Variants in MYO5B observed in about 807,000 individuals in gnomAD.
The protein encoded by MYO5B is unconventional myosin-Vb.
MYO5B carries 143 observed loss-of-function variants against 229.3 expected under a neutral mutation model. The ratio of observed to expected loss-of-function variants is 0.62; its 90% CI spans 0.54 to 0.72. The LOEUF (loss-of-function observed/expected upper bound fraction) is 0.72, where lower values mean the gene tolerates loss of function less well. Ranked by LOEUF, MYO5B falls within the 30% of genes least tolerant of loss-of-function variation. The pLI, the probability that MYO5B is intolerant of heterozygous loss-of-function variation, is 0.00. For synonymous variants in MYO5B, 918 were observed against 885.2 expected, an observed-to-expected ratio of 1.04 and a Z score of -0.66; for missense variants, 2,321 against 2,331.0, an observed-to-expected ratio of 1.00 and a Z score of 0.09.
At chr18:49,911,081 G>A (rs1474962136) in intron 18 of MYO5B, among the ~76,000 whole-genome samples, 1 of 152,184 alleles carries the variant, frequency 6.6e-6, no homozygotes, top group African/African-American at 2.4e-5. Context: ...AAGTATCTGG[G>A]GGAGGGCCTG....
intron 1 of MYO5B, among the ~76,000 whole-genome samples, chr18:50,115,248 C>G (rs2031937280): frequency 6.6e-6 from 1 of 152,218 alleles, no homozygotes; most frequent in Non-Finnish European, 1.5e-5. Flanking sequence ...ATGAGCATGT[C>G]TTAGCTCTTC....
intron 1 of MYO5B, among the ~76,000 whole-genome samples, chr18:50,098,440 C>G (rs2031594706): frequency 6.6e-6 from 1 of 152,028 alleles, no homozygotes; most frequent in Admixed American, 6.6e-5. Context: ...AAATCAATAC[C>G]AAAATATCTA....
chr18:50,038,801 T>A (rs1170345961), intron 3 of MYO5B, among the ~76,000 whole-genome samples: 1 of 152,240 alleles, frequency 6.6e-6, no homozygotes, highest in African/African-American at 2.4e-5. Context: ...TGGTCACTTA[T>A]CTTTTTCTCC....
At chr18:49,940,015 G>A (rs1353759683) in intron 14 of MYO5B, among the ~76,000 whole-genome samples, 4 of 152,096 alleles carry the variant, frequency 2.6e-5, no homozygotes, top group Non-Finnish European at 5.9e-5. Context: ...CTCTGGTGAT[G>A]CTCTGCACTG....
rs146918194 is a variant in MYO5B, at chr18:50,159,717, C to T, written c.27+35050G>A. On this transcript the variant is annotated intron_variant, in intron 1 of 39. Coordinates refer to ENST00000285039, the MANE Select transcript of MYO5B (RefSeq NM_001080467.3). Reference sequence around the variant, plus strand: ...ACCTCCAGGCCTCTATGATGCCCCACGCCGCCAGCAACCAGCTCCCCTCTC... The same window carrying T: ...ACCTCCAGGCCTCTATGATGCCCCATGCCGCCAGCAACCAGCTCCCCTCTC... 4.2e-3 allele frequency among the ~76,000 whole-genome samples: 644 copies of T among 152,318 alleles called. 4 individuals are homozygous for T. The highest frequency in any genetic ancestry group is 0.014 in the African/African-American group (571 of 41,574).
chr18:49,942,899 T>C (rs2025332628), intron 14 of MYO5B, among the ~76,000 whole-genome samples: 1 of 152,148 alleles, frequency 6.6e-6, no homozygotes, highest in African/African-American at 2.4e-5. Context: ...CATGCTGCTA[T>C]AAAGACACAT....
chr18:49,904,402 C>T (rs896268840), intron 20 of MYO5B, among the ~76,000 whole-genome samples: 1 of 152,142 alleles, frequency 6.6e-6, no homozygotes, highest in African/African-American at 2.4e-5. Context: ...AACTTTCTGG[C>T]CACCAGAATT....
chr18:50,116,729 C>T (rs2031969765), intron 1 of MYO5B, among the ~76,000 whole-genome samples: 5 of 151,562 alleles, frequency 3.3e-5, no homozygotes, highest in African/African-American at 1.2e-4. Context: ...CAGAAATGTA[C>T]ATTCTCAGGC....
chr18:50,130,224 TA>T (rs1357447752), intron 1 of MYO5B, among the ~76,000 whole-genome samples: 1 of 152,220 alleles, frequency 6.6e-6, no homozygotes, highest in Non-Finnish European at 1.5e-5. Context: ...ACATCAGCCA[TA>T]TTTTTTTAAG....
rs897376457 is a variant in MYO5B at position 49,826,226 on chromosome 18, T to C, written c.*245A>G. ...CTGCTTGGTGTCTATAAATTATGTA[T>C]ATGTGTTGGACTGAAATCAAACTTA... On this transcript the variant is annotated 3_prime_UTR_variant, in exon 40 of 40. Transcript: ENST00000285039. 9 of 498,612 alleles carry C rather than the reference T, an allele frequency of 1.8e-5. No individual in the cohort carries two copies. Among genetic ancestry groups the C allele is most frequent in the African/African-American group, 1.2e-4 (6 of 51,398 alleles). The allele number at this position is 498,612 out of a possible 1,614,324, so 30.9% of individuals were successfully genotyped here. A position where few individuals can be genotyped will look rare whatever the true frequency, so the allele number is the denominator to read the frequency against.
In MYO5B at chr18:49,936,393, TG is replaced by T. The variant is rs754866870; in HGVS notation, c.1906-45del. ...GTGCTTGGTTAGTTTTAACAAGTCG[TG>T]GATGTGTGATAAAGAAAAACTCATA... On this transcript the variant is annotated intron_variant, in intron 15 of 39. Coordinates refer to ENST00000285039, the MANE Select transcript of MYO5B (RefSeq NM_001080467.3). 1.2e-5 allele frequency: 17 copies of T among 1,402,400 alleles called. No individual in the cohort carries two copies. In the South Asian group the frequency reaches 2.0e-4, roughly 16 times the overall value. 86.9% of individuals were successfully genotyped at this position (1,402,400 alleles called of 1,614,324 possible). A position where few individuals can be genotyped will look rare whatever the true frequency, so the allele number is the denominator to read the frequency against.
intron 1 of MYO5B, among the ~76,000 whole-genome samples, chr18:50,103,638 G>A (rs1372473762): frequency 1.3e-5 from 2 of 152,122 alleles, no homozygotes; most frequent in Non-Finnish European, 2.9e-5. Context: ...GGCAGCTTCT[G>A]GGAAGGCTGA....
chr18:49,998,481 G>T (rs1276607212), intron 5 of MYO5B, among the ~76,000 whole-genome samples: 2 of 152,164 alleles, frequency 1.3e-5, no homozygotes, highest in Non-Finnish European at 2.9e-5. Flanking sequence ...CGTTCCCACA[G>T]CCTAGCGGCC....
Position 50,079,469 on chromosome 18 carries a change from C to T in MYO5B, c.28-24091G>A, listed in dbSNP as rs570997363. Among the ~76,000 whole-genome samples the T allele has an allele frequency of 6.6e-5, 10 of 152,324 alleles. No homozygotes were observed. The East Asian group carries it at 9.6e-4, about 15-fold the overall frequency. ...CAACCACTGCCTCCCTCTCACACTT[C>T]GACTTAAAAGACAGAGTGCTCCAAA... On this transcript the variant is annotated intron_variant, in intron 1 of 39. Coordinates refer to ENST00000285039, the MANE Select transcript of MYO5B (RefSeq NM_001080467.3).
chr18:49,997,921 G>A (rs2026007102), intron 5 of MYO5B, among the ~76,000 whole-genome samples: 1 of 152,150 alleles, frequency 6.6e-6, no homozygotes, highest in South Asian at 2.1e-4. Context: ...ATGGGGCAGA[G>A]CAATCAATCA....
chr18:50,079,441 G>A (rs1254085418), intron 1 of MYO5B, among the ~76,000 whole-genome samples: 1 of 152,072 alleles, frequency 6.6e-6, no homozygotes. Flanking sequence ...TTGGTCCTTG[G>A]ACCAACCACT....
At chr18:50,055,447 A>G (rs2030523380) in intron 1 of MYO5B, 69 bp from the exon 2 acceptor site, 4 of 1,314,616 alleles carry the variant, frequency 3.0e-6, no homozygotes, top group Non-Finnish European at 3.3e-6. Flanking sequence ...GTGTGTCACT[A>G]CCTAGAAAGT....
At chr18:49,836,261 G>A (rs1400103848) in intron 38 of MYO5B, among the ~76,000 whole-genome samples, 1 of 152,200 alleles carries the variant, frequency 6.6e-6, no homozygotes, top group Non-Finnish European at 1.5e-5. Context: ...CAATATAAAT[G>A]AGTGTGAGTG....
At chr18:50,099,968 C>T (rs541028466) in intron 1 of MYO5B, among the ~76,000 whole-genome samples, 1 of 152,326 alleles carries the variant, frequency 6.6e-6, no homozygotes, top group East Asian at 1.9e-4. Flanking sequence ...CCACAGTCTA[C>T]ACACAGATTC....
Sources: allele counts gnomAD v4.1 joint callset (sites outside exome capture counted in the v4.1 genomes callset), GRCh38; gene constraint gnomAD v4.1.1; transcripts MANE v1.5; gene names NCBI Gene and HGNC (gene_info 2026-07-23, HGNC 2026-07-21).